Variants in MON1A observed in about 807,000 individuals in gnomAD.
MON1A encodes vacuolar fusion protein MON1 homolog A.
Under a neutral mutation model 44.6 loss-of-function variants are expected in MON1A, and 29 were observed. The observed-to-expected ratio is 0.65, with a 90% CI of 0.48 to 0.89. The LOEUF (loss-of-function observed/expected upper bound fraction) is 0.89. MON1A is among the 40% of genes least tolerant of loss of function. MON1A has a pLI of 0.00. For synonymous variants in MON1A, 275 were observed against 316.4 expected (o/e 0.87, Z 1.39); for missense variants, 615 against 759.6 (o/e 0.81, Z 2.24).
chr3:49,910,198 A>G lies in MON1A; in HGVS notation c.1300T>C (p.Tyr434His). The change falls in exon 4 of 6, where the codon TAC (tyrosine) becomes CAC (histidine). Residue 434 changes from tyrosine (Y) to histidine (H), a missense_variant. By Grantham distance (83) the Tyr-to-His change is moderately conservative. Transcript: ENST00000296473. This position sits in a 1 kb window ranked among gnomAD's most constrained non-coding sequence, Gnocchi z 8.0. ...ATGCCCACTTGGGCAACGCTGTAGT[A>G]GGGTGTGCGCAGTGCCTCTCGCAGG... ...LALREALRTP[Y>H]YSVAQVGIPD... 6.2e-7 allele frequency: 1 copy of G among 1,614,088 alleles called. No individual in the cohort carries two copies. The highest frequency in any genetic ancestry group is 8.5e-7 in the Non-Finnish European group (1 of 1,179,998).
At chr3:49,920,837 CAA>C (rs145653814) in intron 1 of MON1A, among the ~76,000 whole-genome samples, 7 of 130,262 alleles carry the variant, frequency 5.4e-5, no homozygotes, top group Admixed American at 1.6e-4. Context: ...GATTCTGCAT[CAA>C]AAAAAAAAAA....
At position 49,909,805 on chromosome 3, in the gene MON1A, T is replaced by C. The variant is rs553506825; in HGVS notation, c.1379+314A>G. ...GGGGGTGGAGGAGGGCTGTGCTTCCTGAGCTGGACCAAAATGACCCCTAAA... is the reference window on the plus strand; with the variant it reads ...GGGGGTGGAGGAGGGCTGTGCTTCCCGAGCTGGACCAAAATGACCCCTAAA... On this transcript the variant is annotated intron_variant, in intron 4 of 5. Transcript: ENST00000296473. The surrounding 1 kb of genome is among the most constrained non-coding windows in gnomAD (Gnocchi z 4.0). 89 of 362,034 alleles carry C rather than the reference T, an allele frequency of 2.5e-4. 1 individual carries two copies. The highest frequency in any genetic ancestry group is 2.1e-3 in the Admixed American group (49 of 23,312). The allele number at this position is 362,034 out of a possible 1,614,324, so 22.4% of individuals were successfully genotyped here.
chr3:49,922,531 G>A (rs2083009621), intron 1 of MON1A, among the ~76,000 whole-genome samples: 1 of 132,440 alleles, frequency 7.6e-6, no homozygotes, highest in South Asian at 2.8e-4. Context: ...GAGAAGGAAG[G>A]AGGGAGGGAG....
chr3:49,921,726 C>T (rs2108537677), intron 1 of MON1A, among the ~76,000 whole-genome samples: 2 of 151,498 alleles, frequency 1.3e-5, no homozygotes, highest in Admixed American at 1.3e-4. Context: ...ATCACCACCC[C>T]ACCATGCACT....
intron 1 of MON1A, among the ~76,000 whole-genome samples, chr3:49,922,201 A>C (rs1048193247): frequency 6.6e-6 from 1 of 151,642 alleles, no homozygotes; most frequent in African/African-American, 2.4e-5. Flanking sequence ...TAATCCCAGC[A>C]CTTTGGGAGG....
At position 49,911,181 on chromosome 3, in the gene MON1A, A is replaced by ATAGATAGAT. The variant is rs1559491761; in HGVS notation, c.614-306_614-298dup. On this transcript the variant is annotated intron_variant, in intron 3 of 5. Transcript: ENST00000296473. The surrounding 1 kb of genome is among the most constrained non-coding windows in gnomAD (Gnocchi z 5.7). Reference sequence around the variant, plus strand: ...CTGGGTGGAGCTCAGGACCTGGGAGATAGATAGATTAGATAGATAGATAGA... The same window carrying ATAGATAGAT: ...CTGGGTGGAGCTCAGGACCTGGGAGATAGATAGATTAGATAGATTAGATAGATAGATAGA... Among the ~76,000 whole-genome samples the ATAGATAGAT allele has an allele frequency of 2.1e-5, 3 of 145,966 alleles. No individual in the cohort carries two copies. The highest frequency in any genetic ancestry group is 7.0e-5 in the Admixed American group (1 of 14,320).
chr3:49,910,996 C>T lies in MON1A; in HGVS notation c.614-112G>A, dbSNP rs1310745124. The T allele has an allele frequency of 7.6e-6, 8 of 1,053,274 alleles. No individual in the cohort carries two copies. The highest frequency in any genetic ancestry group is 1.1e-5 in the Non-Finnish European group (8 of 739,898). The allele number at this position is 1,053,274 out of a possible 1,614,324, so 65.2% of individuals were successfully genotyped here. A position where few individuals can be genotyped will look rare whatever the true frequency, so the allele number is the denominator to read the frequency against. On this transcript the variant is annotated intron_variant, in intron 3 of 5. Transcript: ENST00000296473. This position sits in a 1 kb window ranked among gnomAD's most constrained non-coding sequence, Gnocchi z 8.0. Reference sequence around the variant, plus strand: ...CATCCTTTCCTCGCTCAGAGCTCTGCGCACAGTAGGGGTTTAAGGATGTTC... The same window carrying T: ...CATCCTTTCCTCGCTCAGAGCTCTGTGCACAGTAGGGGTTTAAGGATGTTC...
Position 49,929,714 on chromosome 3 carries a change from G to T in MON1A, c.-119C>A. On this transcript the variant is annotated 5_prime_UTR_variant, in exon 1 of 6. The change creates a new upstream start codon in the 5' untranslated region. Transcript: ENST00000296473. The stretch of plus-strand genomic sequence containing the variant: ...CGGCCGGGGCCGGCCTGAGGGCACA[G>T]CTTCGCGGGGCCCCGGCCCCCTGCG... The T allele has an allele frequency of 6.5e-7, 1 of 1,550,336 alleles. No individual in the cohort carries two copies. The highest frequency in any genetic ancestry group is 8.7e-7 in the Non-Finnish European group (1 of 1,146,732).
chr3:49,918,652 T>A (rs1221733373), intron 1 of MON1A, among the ~76,000 whole-genome samples: 1 of 151,754 alleles, frequency 6.6e-6, no homozygotes, highest in Non-Finnish European at 1.5e-5. Flanking sequence ...CCTCAAATGA[T>A]CCACCCGCCT....
Position 49,911,972 on chromosome 3 carries a change from G to A in MON1A, c.167C>T (p.Ser56Phe). The change falls in exon 3 of 6, where the codon TCC becomes TTC. Residue 56 changes from serine (S) to phenylalanine (F), a missense_variant. Transcript: ENST00000296473. This position sits in a 1 kb window ranked among gnomAD's most constrained non-coding sequence, Gnocchi z 5.7. Reference protein sequence around the residue: ...QEGAMFVHARSYEDLTESEDG... With the variant: ...QEGAMFVHARFYEDLTESEDG... ...CTCTGACTCAGTCAGGTCCTCGTAG[G>A]AACGGGCATGGACGAACATGGCACC... 1 of 1,608,378 alleles carries A rather than the reference G, an allele frequency of 6.2e-7. No homozygotes were observed. The highest frequency in any genetic ancestry group is 8.5e-7 in the Non-Finnish European group (1 of 1,176,478).
At position 49,909,176 on chromosome 3, in the gene MON1A, G is replaced by A. The variant is rs764864586; in HGVS notation, c.1528-22C>T. 1.7e-5 allele frequency: 28 copies of A among 1,609,702 alleles called. No individual in the cohort carries two copies. The highest frequency in any genetic ancestry group is 5.4e-5 in the African/African-American group (4 of 74,724). ...TCACCTGGAGAAGGGGCAAAGGGTC[G>A]TCATCTAGGTTAGAGGCCCCTCATG... On this transcript the variant is annotated intron_variant, in intron 5 of 5. Coordinates refer to ENST00000296473, the MANE Select transcript of MON1A (RefSeq NM_032355.4). The surrounding 1 kb of genome is among the most constrained non-coding windows in gnomAD (Gnocchi z 4.0).
chr3:49,921,522 G>A (rs889772858), intron 1 of MON1A, among the ~76,000 whole-genome samples: 2 of 150,824 alleles, frequency 1.3e-5, no homozygotes, highest in Non-Finnish European at 3.0e-5. Flanking sequence ...TGTAATCCCA[G>A]CACTTTGGGA....
At chr3:49,920,837 CA>C (rs145653814) in intron 1 of MON1A, among the ~76,000 whole-genome samples, 282 of 129,790 alleles carry the variant, frequency 2.2e-3, no homozygotes, top group Admixed American at 2.0e-3. Flanking sequence ...GATTCTGCAT[CA>C]AAAAAAAAAA....
intron 1 of MON1A, among the ~76,000 whole-genome samples, chr3:49,928,830 AG>A (rs1359113618): frequency 6.6e-6 from 1 of 152,100 alleles, no homozygotes; most frequent in Non-Finnish European, 1.5e-5. Flanking sequence ...TCCCTGACAA[AG>A]GGTGCTCACT....
intron 1 of MON1A, among the ~76,000 whole-genome samples, chr3:49,925,303 C>T (rs886137492): frequency 6.6e-6 from 1 of 151,958 alleles, no homozygotes; most frequent in African/African-American, 2.4e-5. Context: ...TTTGTAGAGA[C>T]AGGGTCTCCT....
At chr3:49,924,355 G>A (rs536439606) in intron 1 of MON1A, among the ~76,000 whole-genome samples, 3 of 152,278 alleles carry the variant, frequency 2.0e-5, no homozygotes, top group Non-Finnish European at 2.9e-5. Context: ...GAGCAGGGCT[G>A]ACCTATGCAA....
intron 1 of MON1A, among the ~76,000 whole-genome samples, chr3:49,919,557 G>GGGTT (rs1206838254): frequency 2.0e-5 from 3 of 152,156 alleles, no homozygotes; most frequent in African/African-American, 7.2e-5. Flanking sequence ...TCCGCTCACT[G>GGGTT]CAACCTCTGA....
chr3:49,929,387 C>T (rs1353524535), intron 1 of MON1A: 4 of 612,192 alleles, frequency 6.5e-6, no homozygotes, highest in South Asian at 5.9e-5. Context: ...TGCCCCCTAC[C>T]GGATCTCGCC....
At position 49,909,317 on chromosome 3, in the gene MON1A, T is replaced by A. The variant is rs1303713835; in HGVS notation, c.1463A>T (p.His488Leu). ...GLYQYLHSRAHNASRPLKTIY... is the reference protein window; with the variant it reads ...GLYQYLHSRALNASRPLKTIY... The stretch of plus-strand genomic sequence containing the variant: ...GGTCTTGAGTGGGCGAGAGGCATTG[T>A]GGGCACGACTGTGCAAGTACTGGTA... Residue 488 changes from histidine to leucine, a missense_variant, in exon 5 of 6, where the codon CAC becomes CTC. Coordinates refer to ENST00000296473, the MANE Select transcript of MON1A (RefSeq NM_032355.4). The surrounding 1 kb of genome is among the most constrained non-coding windows in gnomAD (Gnocchi z 4.0). The A allele has an allele frequency of 2.5e-6, 4 of 1,614,044 alleles. No individual in the cohort carries two copies. The South Asian group carries it at 4.4e-5, about 18-fold the overall frequency.
Sources: gnomAD v4.1 joint callset for allele counts (sites outside exome capture counted in the v4.1 genomes callset) on GRCh38, gnomAD v4.1.1 for gene constraint, Gnocchi (gnomAD v3.1) non-coding constraint, MANE v1.5 for transcripts, NCBI Gene and HGNC (gene_info 2026-07-23, HGNC 2026-07-21) for gene names.